Variants in DPP10 observed in about 807,000 individuals in gnomAD.
DPP10 encodes the protein inactive dipeptidyl peptidase 10.
DPP10 carries 33 observed loss-of-function variants against 120.9 expected under a neutral mutation model. That is an observed-to-expected ratio of 0.27 (90% confidence interval 0.21 to 0.37). The LOEUF (loss-of-function observed/expected upper bound fraction) is 0.37, where lower values mean the gene tolerates loss of function less well. DPP10 is among the 10% of genes least tolerant of loss of function. The pLI is 1.00. For synonymous variants in DPP10, 337 were observed against 326.1 expected (o/e 1.03, Z -0.36); for missense variants, 816 against 942.8 (o/e 0.87, Z 1.76).
At chr2:115,070,452 A>G (rs996081442) in intron 1 of DPP10, among the ~76,000 whole-genome samples, 7 of 152,218 alleles carry the variant, frequency 4.6e-5, no homozygotes, top group Non-Finnish European at 1.0e-4. Flanking sequence ...GCAATGGATT[A>G]TTTAGTACCA....
chr2:114,558,022 T>G (rs969833139), intron 1 of DPP10, among the ~76,000 whole-genome samples: 1 of 152,190 alleles, frequency 6.6e-6, no homozygotes, highest in African/African-American at 2.4e-5. Flanking sequence ...ATCTCTTCCA[T>G]ACTCCAGGTG....
chr2:114,984,494 T>C (rs896511717), intron 1 of DPP10, among the ~76,000 whole-genome samples: 31 of 151,372 alleles, frequency 2.0e-4, no homozygotes, highest in African/African-American at 6.5e-4. Flanking sequence ...CCTGCAGGCA[T>C]GTTAAGAATG....
chr2:115,216,673 A>G lies in DPP10; in HGVS notation c.61-92566A>G, dbSNP rs138792844. 4.4e-3 allele frequency among the ~76,000 whole-genome samples: 664 copies of G among 152,118 alleles called. 1 individual carries two copies. Among genetic ancestry groups the G allele is most frequent in the Non-Finnish European group, 8.1e-3 (549 of 67,976 alleles). ...CTGGCGGGCACCTATAATCACAGCT[A>G]CTCAGGAGGTTGAAGCAGGAAAAAT... On this transcript the variant is annotated intron_variant, in intron 1 of 25. Coordinates refer to ENST00000410059, the MANE Select transcript of DPP10 (RefSeq NM_020868.6).
intron 1 of DPP10, among the ~76,000 whole-genome samples, chr2:114,466,743 G>C (rs868109861): frequency 6.6e-6 from 1 of 152,174 alleles, no homozygotes; most frequent in East Asian, 1.9e-4. Flanking sequence ...TTGTCTGTTC[G>C]CTTTGAAAAG....
rs181348095 is a variant in DPP10 at position 115,122,218 on chromosome 2, C to G, written c.61-187021C>G. ...CTTGTTTTATGAAGGTACAATTAAC[C>G]ATTTGTGAAGATACAACACATGAGA... On this transcript the variant is annotated intron_variant, in intron 1 of 25. Coordinates refer to ENST00000410059, the MANE Select transcript of DPP10 (RefSeq NM_020868.6). Among the ~76,000 whole-genome samples the G allele has an allele frequency of 3.3e-5, 5 of 152,154 alleles. No homozygotes were observed. In the East Asian group the frequency reaches 7.7e-4, roughly 24 times the overall value.
intron 1 of DPP10, among the ~76,000 whole-genome samples, chr2:114,510,739 G>A (rs1684073958): frequency 6.6e-6 from 1 of 152,074 alleles, no homozygotes; most frequent in South Asian, 2.1e-4. Context: ...ACTGTTCTTT[G>A]AGACATTCAT....
intron 5 of DPP10, among the ~76,000 whole-genome samples, chr2:115,553,213 C>T (rs1278310250): frequency 6.6e-6 from 1 of 152,010 alleles, no homozygotes; most frequent in African/African-American, 2.4e-5. Flanking sequence ...AAAGTATATC[C>T]TGTAGATATC....
intron 3 of DPP10, among the ~76,000 whole-genome samples, chr2:115,465,379 A>G (rs1390175858): frequency 6.6e-6 from 1 of 152,200 alleles, no homozygotes; most frequent in African/African-American, 2.4e-5. Context: ...AAAGATCTAT[A>G]TTTTTCACAC....
At chr2:114,465,905 A>G (rs1204676198) in intron 1 of DPP10, among the ~76,000 whole-genome samples, 1 of 152,180 alleles carries the variant, frequency 6.6e-6, no homozygotes, top group Admixed American at 6.5e-5. Flanking sequence ...TGTTAATTAT[A>G]GTCACCTACA....
intron 1 of DPP10, among the ~76,000 whole-genome samples, chr2:114,899,579 A>G (rs1370343339): frequency 4.0e-5 from 6 of 150,774 alleles, no homozygotes; most frequent in Non-Finnish European, 8.9e-5. Context: ...TTTAATTTTC[A>G]TGGGTTTTTG....
chr2:114,597,255 TA>T (rs1691990943), intron 1 of DPP10, among the ~76,000 whole-genome samples: 1 of 151,952 alleles, frequency 6.6e-6, no homozygotes, highest in South Asian at 2.1e-4. Context: ...TGTTGGGCCA[TA>T]ACAGATACAT....
intron 19 of DPP10, among the ~76,000 whole-genome samples, chr2:115,810,573 A>T (rs922246110): frequency 6.6e-6 from 1 of 152,200 alleles, no homozygotes; most frequent in African/African-American, 2.4e-5. Context: ...TGTTGAAGGT[A>T]TTGAAAGAGA....
chr2:114,664,572 T>C lies in DPP10; in HGVS notation c.60+221734T>C, dbSNP rs966239653. Among the ~76,000 whole-genome samples, 3 of 139,722 alleles carry C rather than the reference T, an allele frequency of 2.1e-5. No homozygotes were observed. In the Admixed American group the frequency reaches 2.5e-4, roughly 12 times the overall value. 91.7% of individuals were successfully genotyped at this position (139,722 alleles called of 152,430 possible). ...TAAACCAGGGAGGCGGAGGTTGCAG[T>C]GAGCCGAGATTGTGGCACTACACTC... On this transcript the variant is annotated intron_variant, in intron 1 of 25. Transcript: ENST00000410059.
chr2:115,481,958 C>A (rs182499853), intron 3 of DPP10, among the ~76,000 whole-genome samples: 1 of 152,096 alleles, frequency 6.6e-6, no homozygotes, highest in Admixed American at 6.6e-5. Flanking sequence ...AACTATAACA[C>A]AAGAACAAAC....
intron 1 of DPP10, among the ~76,000 whole-genome samples, chr2:115,019,103 C>G (rs889146608): frequency 1.3e-5 from 2 of 151,796 alleles, no homozygotes; most frequent in Non-Finnish European, 2.9e-5. Flanking sequence ...TCAGCTTCAC[C>G]GACACCAAGC....
intron 1 of DPP10, among the ~76,000 whole-genome samples, chr2:114,639,172 G>GGA (rs1695524307): frequency 6.6e-6 from 1 of 151,900 alleles, no homozygotes; most frequent in South Asian, 2.1e-4. Context: ...TGGCTGCAGA[G>GGA]GCCTCACAAT....
rs957931543 is a variant in DPP10 at position 115,125,616 on chromosome 2, G to C, written c.61-183623G>C. On this transcript the variant is annotated intron_variant, in intron 1 of 25. Coordinates refer to ENST00000410059, the MANE Select transcript of DPP10 (RefSeq NM_020868.6). Reference sequence around the variant, plus strand: ...GACAGAGTCCTCGCTCTGTCGCCCAGGCTGGAGTGCAGTGGCATGATCTTG... The same window carrying C: ...GACAGAGTCCTCGCTCTGTCGCCCACGCTGGAGTGCAGTGGCATGATCTTG... 5.9e-5 allele frequency among the ~76,000 whole-genome samples: 8 copies of C among 135,598 alleles called. No homozygotes were observed. In the Admixed American group the frequency reaches 6.7e-4, roughly 11 times the overall value. The allele number at this position is 135,598 out of a possible 152,430, so 89.0% of individuals were successfully genotyped here. A position where few individuals can be genotyped will look rare whatever the true frequency, so the allele number is the denominator to read the frequency against.
At chr2:115,255,468 G>A (rs1235471223) in intron 1 of DPP10, among the ~76,000 whole-genome samples, 1 of 152,132 alleles carries the variant, frequency 6.6e-6, no homozygotes, top group Non-Finnish European at 1.5e-5. Flanking sequence ...CCATTTTCTT[G>A]GTAATTAACA....
At chr2:115,109,207 C>T (rs1044823190) in intron 1 of DPP10, among the ~76,000 whole-genome samples, 1 of 152,062 alleles carries the variant, frequency 6.6e-6, no homozygotes, top group Non-Finnish European at 1.5e-5. Flanking sequence ...GATTTCTTAA[C>T]CCTAATGCTT....
Sources: gnomAD v4.1 joint callset for allele counts (sites outside exome capture counted in the v4.1 genomes callset) on GRCh38, gnomAD v4.1.1 for gene constraint, MANE v1.5 for transcripts, NCBI Gene and HGNC (gene_info 2026-07-23, HGNC 2026-07-21) for gene names.